The following EYA1 variants were observed in gnomAD, a reference collection of about 807,000 sequenced individuals.
The protein encoded by EYA1 is EYA transcriptional coactivator and phosphatase 1.
A neutral mutation model predicts 82.0 loss-of-function variants in EYA1; 16 were observed. The observed-to-expected ratio is 0.20, with a 90% CI of 0.13 to 0.30. EYA1 has a LOEUF of 0.30. EYA1 is among the 10% of genes least tolerant of loss of function. The pLI is 1.00. For synonymous variants in EYA1, 261 were observed against 264.4 expected (o/e 0.99, Z 0.12); for missense variants, 633 against 730.7 (o/e 0.87, Z 1.54).
intron 12 of EYA1, among the ~76,000 whole-genome samples, chr8:71,218,831 G>T (rs534704730): frequency 1.3e-5 from 2 of 152,042 alleles, no homozygotes; most frequent in African/African-American, 2.4e-5. Flanking sequence ...GTTGGGGGTG[G>T]GGGGAGAGGG....
At chr8:71,307,869 C>T (rs916134891) in intron 7 of EYA1, among the ~76,000 whole-genome samples, 6 of 152,208 alleles carry the variant, frequency 3.9e-5, no homozygotes, top group African/African-American at 1.4e-4. Flanking sequence ...GAAGGCTACT[C>T]ACTCTCATAG....
upstream of EYA1, among the ~76,000 whole-genome samples, chr8:71,366,157 T>TA (rs397972386): frequency 3.3e-5 from 5 of 152,166 alleles, no homozygotes; most frequent in East Asian, 1.9e-4. Context: ...GATTTTTTTT[T>TA]AAATTATTAT....
chr8:71,296,221 G>A (rs1316728704), intron 9 of EYA1, among the ~76,000 whole-genome samples: 1 of 151,644 alleles, frequency 6.6e-6, no homozygotes, highest in Non-Finnish European at 1.5e-5. Flanking sequence ...CCATCCAAAG[G>A]GTAATAAAGC....
In EYA1 at chr8:71,361,854, A is replaced by G; in HGVS notation, c.-262T>C. 1 of 985,422 alleles carries G rather than the reference A, an allele frequency of 1.0e-6. No individual in the cohort carries two copies. Among genetic ancestry groups the G allele is most frequent in the Non-Finnish European group, 1.2e-6 (1 of 829,918 alleles). 61.0% of individuals were successfully genotyped at this position (985,422 alleles called of 1,614,324 possible). On this transcript the variant is annotated 5_prime_UTR_variant, in exon 1 of 18. Coordinates refer to ENST00000340726, the MANE Select transcript of EYA1 (RefSeq NM_000503.6). ...GGGGCAGGCGCCTGGCCGCTGCCGC[A>G]GGCTCGGGCTGCCGAGCGACTGAGC...
intron 2 of EYA1, among the ~76,000 whole-genome samples, chr8:71,435,733 G>A (rs889963557): frequency 4.6e-5 from 7 of 152,056 alleles, no homozygotes; most frequent in Non-Finnish European, 4.4e-5. Context: ...ACAATTTCAC[G>A]GAGAGGCTCT....
chr8:71,317,736 T>A, intron 6 of EYA1, 47 bp from the exon 7 acceptor site: 3 of 1,591,924 alleles, frequency 1.9e-6, no homozygotes, highest in Non-Finnish European at 2.6e-6. Flanking sequence ...TTTCAAAAGC[T>A]GGTAAATATA....
chr8:71,256,996 T>C (rs1441929623), intron 11 of EYA1, among the ~76,000 whole-genome samples: 1 of 147,986 alleles, frequency 6.8e-6, no homozygotes, highest in Non-Finnish European at 1.5e-5. Context: ...CTAAACTCCA[T>C]CTCAAAAAAA....
chr8:71,315,107 A>G (rs1170848476), intron 7 of EYA1, among the ~76,000 whole-genome samples: 1 of 152,180 alleles, frequency 6.6e-6, no homozygotes, highest in Non-Finnish European at 1.5e-5. Context: ...AATATTTCTC[A>G]AACTATCTGA....
intron 2 of EYA1, among the ~76,000 whole-genome samples, chr8:71,433,370 T>C (rs1288240602): frequency 6.6e-6 from 1 of 152,220 alleles, no homozygotes; most frequent in East Asian, 1.9e-4. Context: ...GATAATCATA[T>C]ACTCTCATAT....
At chr8:71,265,857 T>G (rs1464826731) in intron 11 of EYA1, among the ~76,000 whole-genome samples, 1 of 152,236 alleles carries the variant, frequency 6.6e-6, no homozygotes, top group Non-Finnish European at 1.5e-5. Context: ...TTCAATTTCC[T>G]AACATCTTAC....
intron 2 of EYA1, among the ~76,000 whole-genome samples, chr8:71,375,007 G>A (rs781380307): frequency 1.6e-4 from 25 of 152,168 alleles, no homozygotes; most frequent in Non-Finnish European, 3.4e-4. Flanking sequence ...GAAACAGGGA[G>A]ATGTAGGTGA....
intron 2 of EYA1, among the ~76,000 whole-genome samples, chr8:71,479,828 C>T (rs930686437): frequency 6.6e-6 from 1 of 152,060 alleles, no homozygotes; most frequent in Non-Finnish European, 1.5e-5. Flanking sequence ...CATCCCTGCT[C>T]GTCCCATTAA....
At position 71,466,395 on chromosome 8, in the gene EYA1, G is replaced by A. The variant is rs187683751; in HGVS notation, c.33+69349C>T. Among the ~76,000 whole-genome samples, 462 of 152,168 alleles carry A rather than the reference G, an allele frequency of 3.0e-3. 3 individuals are homozygous for A. The highest frequency in any genetic ancestry group is 0.011 in the African/African-American group (438 of 41,576). ...AAAAGGCAAGGCAAAATTATTCACA[G>A]TAGTAGTAGAAGAGAATAGCACTTA... On this transcript the variant is annotated intron_variant, in intron 2 of 18. Coordinates refer to the EYA1 transcript ENST00000643681.
intron 2 of EYA1, among the ~76,000 whole-genome samples, chr8:71,471,269 A>G (rs1170301694): frequency 6.6e-6 from 1 of 152,080 alleles, no homozygotes; most frequent in African/African-American, 2.4e-5. Context: ...ATTGGGTTAC[A>G]AAATTAATGC....
chr8:71,510,473 C>A (rs538088854), intron 2 of EYA1, among the ~76,000 whole-genome samples: 1 of 152,328 alleles, frequency 6.6e-6, no homozygotes, highest in Non-Finnish European at 1.5e-5. Context: ...ACTCACAGTT[C>A]TCCATGGCCA....
At chr8:71,283,493 A>G (rs1818046137) in intron 9 of EYA1, among the ~76,000 whole-genome samples, 1 of 152,112 alleles carries the variant, frequency 6.6e-6, no homozygotes. Context: ...CCCTATGTCT[A>G]GAACAGTGCC....
chr8:71,485,182 A>T (rs1810468836), intron 2 of EYA1, among the ~76,000 whole-genome samples: 1 of 152,242 alleles, frequency 6.6e-6, no homozygotes, highest in African/African-American at 2.4e-5. Flanking sequence ...AATTCAAACT[A>T]AGTAACATTA....
chr8:71,375,891 C>T (rs752892174), intron 2 of EYA1, among the ~76,000 whole-genome samples: 4 of 152,080 alleles, frequency 2.6e-5, no homozygotes, highest in Admixed American at 6.6e-5. Flanking sequence ...TGCCTCCCAT[C>T]GTGCTGGGAT....
At chr8:71,289,745 TG>T in intron 9 of EYA1, among the ~76,000 whole-genome samples, 1 of 152,320 alleles carries the variant, frequency 6.6e-6, no homozygotes, top group South Asian at 2.1e-4. Context: ...GAATGAACAG[TG>T]CTTAGAACAA....
Sources: gnomAD v4.1 joint callset for allele counts (sites outside exome capture counted in the v4.1 genomes callset) on GRCh38, gnomAD v4.1.1 for gene constraint, MANE v1.5 for transcripts, NCBI Gene and HGNC (gene_info 2026-07-23, HGNC 2026-07-21) for gene names.